The following MYH11 variants were observed in gnomAD, a reference collection of about 807,000 sequenced individuals.
MYH11 encodes myosin heavy chain 11, also known as myosin-11.
In MYH11, 80 loss-of-function variants were observed where a neutral mutation model predicts 246.6. That is an observed-to-expected ratio of 0.32 (90% CI 0.27 to 0.39). The LOEUF is 0.39. Ranked by LOEUF, MYH11 falls within the 10% of genes least tolerant of loss-of-function variation. The pLI is 1.00. For synonymous variants in MYH11, 1,071 were observed against 1,015.5 expected (o/e 1.05, Z -1.04); for missense variants, 2,158 against 2,546.8 (o/e 0.85, Z 3.29).
chr16:15,758,657 A>AT, intron 12 of MYH11, among the ~76,000 whole-genome samples: 1 of 151,716 alleles, frequency 6.6e-6, no homozygotes, highest in South Asian at 2.1e-4. Context: ...AAAAAAAAAA[A>AT]GTAGCCAGGC....
intron 1 of MYH11, among the ~76,000 whole-genome samples, chr16:15,843,308 T>C (rs1310506691): frequency 1.3e-5 from 2 of 150,416 alleles, no homozygotes; most frequent in Admixed American, 1.3e-4. Flanking sequence ...AAGGTGGAGG[T>C]TGCAATGAGC....
chr16:15,721,294 A>G (rs543523834), intron 32 of MYH11, 128 bp downstream of exon 32: 1 of 1,174,346 alleles, frequency 8.5e-7, no homozygotes, highest in South Asian at 1.3e-5. Context: ...CAGTCCAAAA[A>G]CCTCCTTCCA....
intron 4 of MYH11, among the ~76,000 whole-genome samples, chr16:15,793,902 C>T (rs1303846459): frequency 4.9e-5 from 7 of 142,544 alleles, no homozygotes; most frequent in Non-Finnish European, 9.1e-5. Context: ...GGATTACAGG[C>T]GTGAGCCACG....
chr16:15,833,030 T>A (rs1467353283), intron 2 of MYH11, among the ~76,000 whole-genome samples: 1 of 137,990 alleles, frequency 7.2e-6, no homozygotes, highest in Non-Finnish European at 1.5e-5. Context: ...TGGCACAATA[T>A]CATGCCTGTA....
chr16:15,812,417 G>T (rs531112755), intron 3 of MYH11, among the ~76,000 whole-genome samples: 2 of 151,736 alleles, frequency 1.3e-5, no homozygotes, highest in Admixed American at 1.3e-4. Context: ...AAACATCATG[G>T]GAAAAATAGC....
At chr16:15,834,053 C>A (rs1470102371) in intron 2 of MYH11, among the ~76,000 whole-genome samples, 1 of 152,104 alleles carries the variant, frequency 6.6e-6, no homozygotes, top group Non-Finnish European at 1.5e-5. Context: ...TATTTTGGGT[C>A]TCAGGACCTT....
chr16:15,839,983 AGAGGCTGCAGTGAGCC>A (rs1436647829), intron 1 of MYH11, among the ~76,000 whole-genome samples: 2 of 152,014 alleles, frequency 1.3e-5, no homozygotes, highest in Non-Finnish European at 2.9e-5. Context: ...CCTGGGAGGC[AGAGGCTGCAGTGAGCC>A]GAGACTGCAC....
chr16:15,785,988 C>T, intron 5 of MYH11: 1 of 188,312 alleles, frequency 5.3e-6, no homozygotes, highest in Non-Finnish European at 1.1e-5. Context: ...ACAGTAGGTG[C>T]TCAATCCACA....
chr16:15,760,007 G>C (rs2041830516), intron 11 of MYH11, among the ~76,000 whole-genome samples: 1 of 152,140 alleles, frequency 6.6e-6, no homozygotes, highest in South Asian at 2.1e-4. Context: ...TGAGGCAGGA[G>C]AATCGTTTGA....
intron 3 of MYH11, among the ~76,000 whole-genome samples, chr16:15,803,278 A>ATTT (rs59001579): frequency 1.4e-5 from 2 of 143,662 alleles, no homozygotes; most frequent in Admixed American, 7.0e-5. Flanking sequence ...AACCAGTTTA[A>ATTT]TTTTTTTTTT....
chr16:15,847,265 T>TTTTTTTC (rs574635258), intron 1 of MYH11, among the ~76,000 whole-genome samples: 9 of 116,204 alleles, frequency 7.7e-5, no homozygotes, highest in East Asian at 2.3e-4. Flanking sequence ...TTTTTTTTTT[T>TTTTTTTC]TCTGAGACAG....
In MYH11 at chr16:15,750,344, G is replaced by C. The variant is rs1205098779; in HGVS notation, c.1865-13C>G. On this transcript the variant is annotated splice_polypyrimidine_tract_variant and intron_variant, in intron 15 of 40. Transcript: ENST00000300036. The surrounding 1 kb of genome is among the most constrained non-coding windows in gnomAD (Gnocchi z 4.3). Reference sequence around the variant, plus strand: ...ACGATGCGGTCCACTATGGGGCACAGCCAGGGTGGCATCAGCCTCTGGCCC... The same window carrying C: ...ACGATGCGGTCCACTATGGGGCACACCCAGGGTGGCATCAGCCTCTGGCCC... 6.3e-7 allele frequency: 1 copy of C among 1,582,548 alleles called. No homozygotes were observed. The highest frequency in any genetic ancestry group is 8.6e-7 in the Non-Finnish European group (1 of 1,166,526).
At chr16:15,719,081 T>G in intron 36 of MYH11, 139 bp downstream of exon 36, 1 of 813,192 alleles carries the variant, frequency 1.2e-6, no homozygotes. Flanking sequence ...TGAGCCAAGA[T>G]TGTGCCACTG....
chr16:15,718,596 A>T (rs1363704757), intron 36 of MYH11, 158 bp from the exon 37 acceptor site: 1 of 1,172,378 alleles, frequency 8.5e-7, no homozygotes, highest in Admixed American at 2.6e-5. Flanking sequence ...TTACACAGCC[A>T]GGAAGTGGAC....
intron 27 of MYH11, among the ~76,000 whole-genome samples, chr16:15,729,225 C>T (rs1191258481): frequency 1.3e-5 from 2 of 152,000 alleles, no homozygotes; most frequent in African/African-American, 2.4e-5. Flanking sequence ...CCAAACCGCA[C>T]GAGGGCCTGG....
chr16:15,708,222 C>T (rs1300493379), intron 40 of MYH11, among the ~76,000 whole-genome samples: 1 of 152,192 alleles, frequency 6.6e-6, no homozygotes, highest in Non-Finnish European at 1.5e-5. Flanking sequence ...ATTTGTCAGA[C>T]ATCGCAGTGA....
intron 40 of MYH11, chr16:15,708,756 A>C (rs753914460): frequency 1.3e-6 from 2 of 1,585,014 alleles, no homozygotes; most frequent in African/African-American, 2.7e-5. Context: ...GCAGAAAAGA[A>C]ATGGATACTG....
Position 15,731,360 on chromosome 16 carries a change from A to G in MYH11, c.3651+1204T>C, listed in dbSNP as rs139391605. ...ACTTACCAGCAGTGTGACCTTGGGTAAGTCTCTTCACCTCTAGGCACCTAG... is the reference window on the plus strand; with the variant it reads ...ACTTACCAGCAGTGTGACCTTGGGTGAGTCTCTTCACCTCTAGGCACCTAG... On this transcript the variant is annotated intron_variant, in intron 27 of 40. Transcript: ENST00000300036. 2.0e-3 allele frequency among the ~76,000 whole-genome samples: 312 copies of G among 152,234 alleles called. 2 individuals carry two copies. The highest frequency in any genetic ancestry group is 6.8e-3 in the African/African-American group (283 of 41,536).
chr16:15,712,848 G>A (rs1173421015), intron 40 of MYH11: 2 of 146,546 alleles, frequency 1.4e-5, no homozygotes, highest in Non-Finnish European at 3.0e-5. Context: ...AGTGATGGGT[G>A]GGGGCGAGGG....
Sources: gnomAD v4.1 joint callset for allele counts (sites outside exome capture counted in the v4.1 genomes callset) on GRCh38, gnomAD v4.1.1 for gene constraint, Gnocchi (gnomAD v3.1) non-coding constraint, MANE v1.5 for transcripts, NCBI Gene and HGNC (gene_info 2026-07-23, HGNC 2026-07-21) for gene names.